The following SMC6 variants were observed in gnomAD, a reference collection of about 807,000 sequenced individuals.
The protein encoded by SMC6 is structural maintenance of chromosomes 6, also known as structural maintenance of chromosomes protein 6.
In SMC6, 79 loss-of-function variants were observed where a neutral mutation model predicts 142.2. That is an observed-to-expected ratio of 0.56 (90% CI 0.46 to 0.67). The LOEUF (loss-of-function observed/expected upper bound fraction) is 0.67, where lower values mean the gene tolerates loss of function less well. SMC6 is among the 30% of genes least tolerant of loss of function. SMC6 has a pLI of 0.00. For synonymous variants in SMC6, 411 were observed against 412.4 expected, an observed-to-expected ratio of 1.00 and a Z score of 0.04; for missense variants, 1,072 against 1,284.0, an observed-to-expected ratio of 0.83 and a Z score of 2.52.
rs543618854 is a variant in SMC6 at position 17,666,440 on chromosome 2, C to T, written c.3141G>A (p.Leu1047=). The part of the protein sequence containing the change: ...ADSQRFRQFI[L]LTPQSMSSLP... ...GTTACCTCATGCTTTGAGGTGTGAG[C>T]AAGATAAACTGTCTAAAACGCTGGG... The change falls in exon 27 of 28, where the codon TTG becomes TTA. Residue 1047 remains leucine, a synonymous_variant. Transcript: ENST00000448223. 312 of 1,613,524 alleles carry T rather than the reference C, an allele frequency of 1.9e-4. 2 individuals carry two copies. In the South Asian group the frequency reaches 3.3e-3, roughly 17 times the overall value.
chr2:17,721,913 A>G (rs1246346598), intron 9 of SMC6, among the ~76,000 whole-genome samples: 1 of 152,044 alleles, frequency 6.6e-6, no homozygotes, highest in Admixed American at 6.6e-5. Flanking sequence ...CCAGGAACTG[A>G]GTTCACGTTT....
In SMC6 at chr2:17,665,622, A is replaced by C. The variant is rs779800529; in HGVS notation, c.3162-9T>G. 2.0e-6 allele frequency: 3 copies of C among 1,537,814 alleles called. No individual in the cohort carries two copies. Among genetic ancestry groups the C allele is most frequent in the Non-Finnish European group, 1.8e-6 (2 of 1,127,500 alleles). On this transcript the variant is annotated splice_polypyrimidine_tract_variant and intron_variant, in intron 27 of 27. Coordinates refer to ENST00000448223, the MANE Select transcript of SMC6 (RefSeq NM_001142286.2). ...TACTGGATGGAAGTGAACTAGAAGAAGCAAAATCAATTACTCAAATTTCCA... is the reference window on the plus strand; with the variant it reads ...TACTGGATGGAAGTGAACTAGAAGACGCAAAATCAATTACTCAAATTTCCA...
intron 25 of SMC6, among the ~76,000 whole-genome samples, chr2:17,676,297 T>C (rs1355063605): frequency 1.3e-5 from 2 of 152,308 alleles, no homozygotes; most frequent in African/African-American, 2.4e-5. Flanking sequence ...AAATTAATCA[T>C]GGTTAAAAAT....
intron 5 of SMC6, among the ~76,000 whole-genome samples, chr2:17,734,914 T>C (rs1018567538): frequency 1.3e-5 from 2 of 152,072 alleles, no homozygotes. Flanking sequence ...GTATTTTTAG[T>C]AGAGACGGGG....
chr2:17,707,435 T>C (rs895513084), intron 17 of SMC6, 56 bp from the exon 18 acceptor site: 1 of 1,197,938 alleles, frequency 8.3e-7, no homozygotes, highest in Non-Finnish European at 1.1e-6. Context: ...TTTTCTGATG[T>C]ACAGAATTTC....
At chr2:17,729,524 C>T (rs966989291) in intron 7 of SMC6, among the ~76,000 whole-genome samples, 2 of 152,140 alleles carry the variant, frequency 1.3e-5, no homozygotes, top group Admixed American at 1.3e-4. Flanking sequence ...ATTACCCCAC[C>T]ATTATCCTTT....
At chr2:17,698,258 T>G (rs1007067455) in intron 21 of SMC6, among the ~76,000 whole-genome samples, 1 of 152,048 alleles carries the variant, frequency 6.6e-6, no homozygotes, top group East Asian at 1.9e-4. Flanking sequence ...ATTATACACT[T>G]TAAATGGATA....
chr2:17,678,944 T>C lies in SMC6; in HGVS notation c.2825A>G (p.Lys942Arg). Residue 942 changes from lysine to arginine, a missense_variant, in exon 25 of 28, where the codon AAA (lysine) becomes AGA (arginine). Physicochemically the swap from Lys to Arg is conservative, Grantham distance 26. Around this residue, in one of 3 missense-constraint regions of SMC6, gnomAD observed 994 missense variants for 1,153.2 expected, o/e 0.86. Transcript: ENST00000448223. ...QFRRCLTLRCKLYFDNLLSQR... is the reference protein window; with the variant it reads ...QFRRCLTLRCRLYFDNLLSQR... The stretch of plus-strand genomic sequence containing the variant: ...AGATAGTAAGTTGTCAAAGTATAAT[T>C]TGCATCGTAAAGTCAAACACCTTGA... 1 of 1,611,532 alleles carries C rather than the reference T, an allele frequency of 6.2e-7. No individual in the cohort carries two copies. Among genetic ancestry groups the C allele is most frequent in the South Asian group, 1.1e-5 (1 of 90,272 alleles).
chr2:17,670,412 T>C lies in SMC6; in HGVS notation c.3063+11A>G, dbSNP rs368563850. On this transcript the variant is annotated intron_variant, in intron 26 of 27. Transcript: ENST00000448223. ...AAAAAATGAAAAAGAGAATTTAAAA[T>C]TTAACAATACCATGTAGACATCAAA... 7.7e-5 allele frequency: 123 copies of C among 1,595,846 alleles called. 2 individuals carry two copies. In the African/African-American group the frequency reaches 1.5e-3, roughly 19 times the overall value.
intron 23 of SMC6, among the ~76,000 whole-genome samples, chr2:17,684,289 T>A (rs1208748532): frequency 6.6e-6 from 1 of 152,202 alleles, no homozygotes; most frequent in Non-Finnish European, 1.5e-5. Context: ...TGAATTAGCA[T>A]GAAAGGCAAC....
chr2:17,744,377 C>T (rs923929081), intron 3 of SMC6, among the ~76,000 whole-genome samples: 1 of 152,070 alleles, frequency 6.6e-6, no homozygotes, highest in African/African-American at 2.4e-5. Flanking sequence ...ATGTGTTCAA[C>T]GCCAGTATAT....
intron 25 of SMC6, among the ~76,000 whole-genome samples, chr2:17,675,267 T>TA (rs1666949549): frequency 6.6e-6 from 1 of 152,098 alleles, no homozygotes; most frequent in Non-Finnish European, 1.5e-5. Context: ...ATAAGAACCT[T>TA]ACAACAGTTT....
intron 2 of SMC6, among the ~76,000 whole-genome samples, chr2:17,750,237 G>A (rs139184968): frequency 2.4e-3 from 372 of 152,302 alleles, no homozygotes; most frequent in African/African-American, 7.5e-3. Context: ...GAAGAGATGA[G>A]TTGCTAAACA....
At chr2:17,739,936 G>T (rs1316171451) in intron 4 of SMC6, among the ~76,000 whole-genome samples, 3 of 104,918 alleles carry the variant, frequency 2.9e-5, no homozygotes, top group African/African-American at 9.9e-5. Context: ...ACAGAATATG[G>T]TAACCATTTT....
At chr2:17,729,390 G>C (rs1669797556) in intron 7 of SMC6, among the ~76,000 whole-genome samples, 1 of 152,160 alleles carries the variant, frequency 6.6e-6, no homozygotes, top group Non-Finnish European at 1.5e-5. Flanking sequence ...AGAATAACAT[G>C]TTTTACATTC....
In SMC6 at chr2:17,665,327, G is replaced by T; in HGVS notation, c.*172C>A. On this transcript the variant is annotated 3_prime_UTR_variant, in exon 28 of 28. Transcript: ENST00000448223. ...AAGTAATAGTAATCTTAAATTGCAG[G>T]TTGTAGTTGGTTTTCCAGGCTTATT... The T allele has an allele frequency of 2.5e-6, 1 of 394,382 alleles. No individual in the cohort carries two copies. Among genetic ancestry groups the T allele is most frequent in the Non-Finnish European group, 4.5e-6 (1 of 222,624 alleles). 24.4% of individuals were successfully genotyped at this position (394,382 alleles called of 1,614,324 possible). A position where few individuals can be genotyped will look rare whatever the true frequency, so the allele number is the denominator to read the frequency against.
At chr2:17,702,070 C>A (rs553628548) in intron 19 of SMC6, among the ~76,000 whole-genome samples, 161 bp from the exon 20 acceptor site, 1 of 152,100 alleles carries the variant, frequency 6.6e-6, no homozygotes, top group East Asian at 1.9e-4. Context: ...AAGGAAATTA[C>A]GTATAAATTC....
chr2:17,691,873 T>C (rs567623639), intron 23 of SMC6, among the ~76,000 whole-genome samples: 1 of 152,280 alleles, frequency 6.6e-6, no homozygotes, highest in East Asian at 1.9e-4. Context: ...AGTCTCAGGA[T>C]ACAAAATCAA....
chr2:17,684,501 G>A (rs969140288), intron 23 of SMC6, among the ~76,000 whole-genome samples: 1 of 152,108 alleles, frequency 6.6e-6, no homozygotes, highest in Admixed American at 6.6e-5. Context: ...CAAAGCAGAT[G>A]AAAATTATAA....
Sources: gnomAD v4.1 joint callset for allele counts (sites outside exome capture counted in the v4.1 genomes callset) on GRCh38, gnomAD v4.1.1 for gene constraint, gnomAD v4.1.1 regional missense constraint, MANE v1.5 for transcripts, NCBI Gene and HGNC (gene_info 2026-07-23, HGNC 2026-07-21) for gene names.